The following CHL1 variants were observed in gnomAD, a reference collection of about 807,000 sequenced individuals.
CHL1 encodes the protein neural cell adhesion molecule L1-like protein.
In CHL1, 96 loss-of-function variants were observed where a neutral mutation model predicts 141.9. That is an observed-to-expected ratio of 0.68 (90% CI 0.57 to 0.80). The LOEUF (loss-of-function observed/expected upper bound fraction) is 0.80. Among genes scored for constraint, CHL1 ranks in the 30% least tolerant of loss-of-function variants. CHL1 has a pLI of 0.00. For missense variants in CHL1, 1,820 were observed against 1,457.2 expected, an observed-to-expected ratio of 1.25 and a Z score of -4.05; for synonymous variants, 613 against 502.2, an observed-to-expected ratio of 1.22 and a Z score of -2.95.
intron 27 of CHL1, 108 bp downstream of exon 27, chr3:401,806 T>G: frequency 1.6e-6 from 1 of 635,838 alleles, no homozygotes; most frequent in Non-Finnish European, 2.6e-6. Flanking sequence ...AACTACAATG[T>G]AATGACCCTA....
chr3:232,818 T>C (rs567880375), intron 1 of CHL1, among the ~76,000 whole-genome samples: 75 of 152,266 alleles, frequency 4.9e-4, no homozygotes, highest in African/African-American at 1.7e-3. Context: ...AGTAAGTGCC[T>C]GAGATGGTGC....
At chr3:219,070 AC>A (rs953184053) in intron 1 of CHL1, among the ~76,000 whole-genome samples, 2 of 132,418 alleles carry the variant, frequency 1.5e-5, no homozygotes, top group Admixed American at 7.4e-5. Context: ...AATGGCATGA[AC>A]CCGGGAGGTG....
chr3:316,840 A>G (rs111859176), intron 2 of CHL1, among the ~76,000 whole-genome samples: 4,177 of 152,102 alleles, frequency 0.027, 188 homozygotes, highest in African/African-American at 0.095. Context: ...CTGAGTTTCA[A>G]CAATTGCTAT....
chr3:227,063 A>C, intron 1 of CHL1, among the ~76,000 whole-genome samples: 1 of 152,220 alleles, frequency 6.6e-6, no homozygotes, highest in East Asian at 1.9e-4. Flanking sequence ...TTGATAAAAA[A>C]GTAGCAGTTG....
chr3:198,318 C>G (rs1001264191), intron 1 of CHL1, among the ~76,000 whole-genome samples: 1 of 151,952 alleles, frequency 6.6e-6, no homozygotes, highest in Non-Finnish European at 1.5e-5. Flanking sequence ...CCAGGGCCGG[C>G]GAGCGGCTGC....
intron 9 of CHL1, among the ~76,000 whole-genome samples, chr3:346,140 G>T (rs1702752689): frequency 6.6e-6 from 1 of 152,142 alleles, no homozygotes; most frequent in African/African-American, 2.4e-5. Context: ...TGAACGACTG[G>T]TTTAGAAATG....
chr3:331,057 T>G (rs1214049311), intron 5 of CHL1, among the ~76,000 whole-genome samples: 1 of 152,138 alleles, frequency 6.6e-6, no homozygotes, highest in Non-Finnish European at 1.5e-5. Flanking sequence ...CCACCTCATA[T>G]CATATAAAAA....
chr3:359,302 TTTTC>T (rs1703996127), intron 11 of CHL1, among the ~76,000 whole-genome samples: 1 of 152,020 alleles, frequency 6.6e-6, no homozygotes, highest in Admixed American at 6.6e-5. Flanking sequence ...TTTTTCTTCC[TTTTC>T]TTTTTCTTCA....
chr3:240,107 C>A (rs1474814876), intron 1 of CHL1, among the ~76,000 whole-genome samples: 1 of 152,116 alleles, frequency 6.6e-6, no homozygotes, highest in African/African-American at 2.4e-5. Context: ...TGGGTAGATA[C>A]CCAGTAGTGG....
chr3:391,881 T>G (rs1043705048), intron 23 of CHL1, 84 bp downstream of exon 23: 7 of 1,130,430 alleles, frequency 6.2e-6, no homozygotes, highest in South Asian at 1.6e-5. Flanking sequence ...GGGAGTCTAA[T>G]GATCACTTAA....
intron 2 of CHL1, among the ~76,000 whole-genome samples, chr3:304,198 TTTG>T (rs765376789): frequency 2.6e-5 from 4 of 152,238 alleles, no homozygotes; most frequent in East Asian, 1.9e-4. Flanking sequence ...GGCCTGAATT[TTTG>T]TTGTTGTTGT....
Position 382,644 on chromosome 3 carries a change from T to A in CHL1, c.2149T>A (p.Ser717Thr). The change falls in exon 18 of 28, where the codon TCA becomes ACA. Residue 717 changes from serine to threonine, a missense_variant. Transcript: ENST00000256509. ...EVGRSQPSQP[S>T]DHHETPPAAP... ...AGGGAGAAGTCAGCCTAGCCAGCCG[T>A]CAGACCATCATGAAACACCACCAGC... 1.2e-6 allele frequency: 2 copies of A among 1,613,732 alleles called. No homozygotes were observed. Among genetic ancestry groups the A allele is most frequent in the Non-Finnish European group, 1.7e-6 (2 of 1,179,798 alleles).
chr3:211,905 C>T (rs1575607878), intron 1 of CHL1, among the ~76,000 whole-genome samples: 1 of 152,082 alleles, frequency 6.6e-6, no homozygotes, highest in Non-Finnish European at 1.5e-5. Context: ...TCCTCTTTAG[C>T]GAAGTTCAGT....
At chr3:267,491 C>T (rs1358002328) in intron 2 of CHL1, among the ~76,000 whole-genome samples, 1 of 152,118 alleles carries the variant, frequency 6.6e-6, no homozygotes, top group Non-Finnish European at 1.5e-5. Context: ...AAGAAGTTTT[C>T]TAGTAGCTGT....
intron 5 of CHL1, among the ~76,000 whole-genome samples, chr3:340,465 A>G (rs1050549112): frequency 2.6e-5 from 4 of 152,234 alleles, no homozygotes; most frequent in African/African-American, 9.6e-5. Flanking sequence ...CACATCTATC[A>G]AAGCTAAAGC....
At chr3:395,353 A>T (rs977642218) in intron 24 of CHL1, among the ~76,000 whole-genome samples, 25 of 152,208 alleles carry the variant, frequency 1.6e-4, no homozygotes, top group African/African-American at 5.8e-4. Flanking sequence ...ATGGATGCCA[A>T]GCAACTGTCT....
At chr3:214,726 C>T (rs1474432750) in intron 1 of CHL1, among the ~76,000 whole-genome samples, 5 of 152,050 alleles carry the variant, frequency 3.3e-5, no homozygotes, top group Non-Finnish European at 7.4e-5. Context: ...AGATTTTTCA[C>T]TTATATCTAC....
chr3:364,375 A>G (rs1704604331), intron 14 of CHL1, among the ~76,000 whole-genome samples: 1 of 152,160 alleles, frequency 6.6e-6, no homozygotes, highest in Non-Finnish European at 1.5e-5. Context: ...AAGTCACTGA[A>G]GATGGTGATG....
chr3:208,721 C>A (rs987686306), intron 1 of CHL1, among the ~76,000 whole-genome samples: 1 of 152,164 alleles, frequency 6.6e-6, no homozygotes, highest in African/African-American at 2.4e-5. Flanking sequence ...GGGTTCACAA[C>A]TAACTCCTAA....
Sources: gnomAD v4.1 joint callset for allele counts (sites outside exome capture counted in the v4.1 genomes callset) on GRCh38, gnomAD v4.1.1 for gene constraint, MANE v1.5 for transcripts, NCBI Gene and HGNC (gene_info 2026-07-23, HGNC 2026-07-21) for gene names.